Variants in OR2T11 observed in about 807,000 individuals in gnomAD.
The protein encoded by OR2T11 is olfactory receptor 2T11.
In OR2T11, 14 loss-of-function variants were observed where a neutral mutation model predicts 13.5. That is an observed-to-expected ratio of 1.04 (90% CI 0.69 to 1.62). The LOEUF is 1.62. OR2T11 is among the 40% of genes most tolerant of loss of function. OR2T11 has a pLI of 0.00. For synonymous variants in OR2T11, 163 were observed against 154.6 expected, an observed-to-expected ratio of 1.05 and a Z score of -0.40; for missense variants, 410 against 389.7, an observed-to-expected ratio of 1.05 and a Z score of -0.44.
chr1:248,627,152 G>T lies in OR2T11; in HGVS notation c.-24C>A. ...ATTGATATGGCCCACGAGCGTCCCA[G>T]GGCAACGGGAAGACACAAGGACCAG... On this transcript the variant is annotated 5_prime_UTR_variant, in exon 2 of 2. In the 5' UTR this introduces an upstream ATG that the reference lacks. Coordinates refer to ENST00000641193, the MANE Select transcript of OR2T11 (RefSeq NM_001001964.2). 1 of 1,342,320 alleles carries T rather than the reference G, an allele frequency of 7.4e-7. No individual in the cohort carries two copies. Among genetic ancestry groups the T allele is most frequent in the Non-Finnish European group, 1.0e-6 (1 of 959,030 alleles). The allele number at this position is 1,342,320 out of a possible 1,614,324, so 83.2% of individuals were successfully genotyped here.
rs1277722738 is a variant in OR2T11 at position 248,629,568 on chromosome 1, C to T, written c.-144-2296G>A. On this transcript the variant is annotated intron_variant, in intron 1 of 1. Transcript: ENST00000641193. ...TCTCATGAATCCCTCCAAGTCTAGT[C>T]TCAGCACAACCATCAAAGTCACATC... Among the ~76,000 whole-genome samples, 2 of 140,216 alleles carry T rather than the reference C, an allele frequency of 1.4e-5. 1 individual carries two copies. Among genetic ancestry groups the T allele is most frequent in the African/African-American group, 5.7e-5 (2 of 34,870 alleles). 92.0% of individuals were successfully genotyped at this position (140,216 alleles called of 152,430 possible). A position where few individuals can be genotyped will look rare whatever the true frequency, so the allele number is the denominator to read the frequency against.
rs530106735 is a variant in OR2T11, at chr1:248,626,075, T to A, written c.*103A>T. 4 of 659,090 alleles carry A rather than the reference T, an allele frequency of 6.1e-6. No individual in the cohort carries two copies. The highest frequency in any genetic ancestry group is 2.6e-4 in the Middle Eastern group (1 of 3,894). 40.8% of individuals were successfully genotyped at this position (659,090 alleles called of 1,614,324 possible). ...TCCAGACAGGGTGAATCATCTTAACTGCCAGTAGTAAGTGTAGGTTGATAG... is the reference window on the plus strand; with the variant it reads ...TCCAGACAGGGTGAATCATCTTAACAGCCAGTAGTAAGTGTAGGTTGATAG... On this transcript the variant is annotated 3_prime_UTR_variant, in exon 2 of 2. Transcript: ENST00000641193.
chr1:248,627,386 G>A, intron 1 of OR2T11, 114 bp from the exon 2 acceptor site: 2 of 468,730 alleles, frequency 4.3e-6, no homozygotes, highest in Non-Finnish European at 3.8e-6. Context: ...CATGCTGCTG[G>A]AGGTTATGGT....
intron 1 of OR2T11, among the ~76,000 whole-genome samples, chr1:248,632,465 G>T (rs1445461173): frequency 7.3e-6 from 1 of 136,394 alleles, no homozygotes; most frequent in East Asian, 2.1e-4. Context: ...CCTAAAGTTG[G>T]GGGTTTGGGG....
rs888907859 is a variant in OR2T11 at position 248,628,833 on chromosome 1, AG to A, written c.-144-1562del. 9.1e-4 allele frequency among the ~76,000 whole-genome samples: 131 copies of A among 143,322 alleles called. 23 individuals are homozygous for A. Among genetic ancestry groups the A allele is most frequent in the African/African-American group, 2.1e-3 (75 of 36,444 alleles). The allele number at this position is 143,322 out of a possible 152,430, so 94.0% of individuals were successfully genotyped here. A position where few individuals can be genotyped will look rare whatever the true frequency, so the allele number is the denominator to read the frequency against. On this transcript the variant is annotated intron_variant, in intron 1 of 1. Coordinates refer to ENST00000641193, the MANE Select transcript of OR2T11 (RefSeq NM_001001964.2). ...GCTAAGGACTGTGGCCTCCTCTGTC[AG>A]GCCTCCCAGAAATACTCCGTGGTCA... is the stretch of plus-strand genomic sequence containing the variant.
At chr1:248,631,172 G>C (rs1660607876) in intron 1 of OR2T11, among the ~76,000 whole-genome samples, 2 of 143,548 alleles carry the variant, frequency 1.4e-5, no homozygotes, top group Admixed American at 1.4e-4. Flanking sequence ...GTGATATTAT[G>C]AACTTTGTGG....
intron 1 of OR2T11, among the ~76,000 whole-genome samples, chr1:248,629,969 C>T (rs1660581433): frequency 7.0e-6 from 1 of 142,244 alleles, no homozygotes; most frequent in Admixed American, 6.9e-5. Context: ...TGTGTCTCTT[C>T]AAGCTAGAAA....
rs1234381398 is a variant in OR2T11, at chr1:248,624,422, C to A, written c.*1756G>T. The A allele has an allele frequency of 7.0e-6, 1 of 143,414 alleles. No individual in the cohort carries two copies. The highest frequency in any genetic ancestry group is 1.5e-5 in the Non-Finnish European group (1 of 66,332). The allele number at this position is 143,414 out of a possible 1,614,324, so 8.9% of individuals were successfully genotyped here. A position where few individuals can be genotyped will look rare whatever the true frequency, so the allele number is the denominator to read the frequency against. ...AATGGTCACTAAGGTTACAAGTAAC[C>A]TTTCATGTTGCTAAATACAGTAACC... On this transcript the variant is annotated 3_prime_UTR_variant, in exon 2 of 2. Transcript: ENST00000641193.
rs775203854 is a variant in OR2T11, at chr1:248,626,361, G to T, written c.768C>A (p.Tyr256Ter). 6.4e-7 allele frequency: 1 copy of T among 1,573,130 alleles called. No individual in the cohort carries two copies. Residue 256 changes from tyrosine to a stop codon, truncating the protein, a stop_gained, in exon 2 of 2, where the codon TAC becomes TAA. Coordinates refer to ENST00000641193, the MANE Select transcript of OR2T11 (RefSeq NM_001001964.2). LOFTEE classifies it high-confidence loss of function. ...GGGTGTGGAAGGACTGGGGCAGCACGTATGTGTAGAAGGCAGCCCCATAGA... is the reference window on the plus strand; with the variant it reads ...GGGTGTGGAAGGACTGGGGCAGCACTTATGTGTAGAAGGCAGCCCCATAGA... Reference protein sequence around the residue: ...SIFYGAAFYTYVLPQSFHTPE... With the variant: ...SIFYGAAFYT
rs144761996 is a variant in OR2T11, at chr1:248,628,222, G to A, written c.-144-950C>T. On this transcript the variant is annotated intron_variant, in intron 1 of 1. Coordinates refer to ENST00000641193, the MANE Select transcript of OR2T11 (RefSeq NM_001001964.2). ...GGAAATGTGACAGCAACAGGCCACC[G>A]TTTAAGAAGGAATTTTATCTTTAAC... 1.1e-3 allele frequency among the ~76,000 whole-genome samples: 153 copies of A among 143,278 alleles called. 30 individuals are homozygous for A. The highest frequency in any genetic ancestry group is 3.8e-3 in the African/African-American group (140 of 36,398). 94.0% of individuals were successfully genotyped at this position (143,278 alleles called of 152,430 possible).
At chr1:248,631,116 G>T (rs1475312093) in intron 1 of OR2T11, among the ~76,000 whole-genome samples, 1 of 143,304 alleles carries the variant, frequency 7.0e-6, no homozygotes, top group African/African-American at 2.7e-5. Context: ...CCAACATCGT[G>T]ATTTCAGTCC....
chr1:248,632,092 A>C lies in OR2T11; in HGVS notation c.-145+2946T>G, dbSNP rs539108381. Among the ~76,000 whole-genome samples, 2 of 143,684 alleles carry C rather than the reference A, an allele frequency of 1.4e-5. 1 individual carries two copies. Among genetic ancestry groups the C allele is most frequent in the Non-Finnish European group, 3.0e-5 (2 of 66,174 alleles). The allele number at this position is 143,684 out of a possible 152,430, so 94.3% of individuals were successfully genotyped here. A position where few individuals can be genotyped will look rare whatever the true frequency, so the allele number is the denominator to read the frequency against. On this transcript the variant is annotated intron_variant, in intron 1 of 1. Transcript: ENST00000641193. ...TCTTTACAAATCATATGAATGTGTT[A>C]TCACATGTACCCTAAGAAAAAGAAA...
In OR2T11 at chr1:248,627,120, G is replaced by C. The variant is rs1177930149; in HGVS notation, c.9C>G (p.Asn3Lys). ...GGAGGGTGAAGTCAGAGGATGATGT[G>C]TTCGTCATTGATATGGCCCACGAGC... is the stretch of plus-strand genomic sequence containing the variant. MT[N>K]TSSSDFTLLG... The change falls in exon 2 of 2, where the codon AAC (asparagine) becomes AAG (lysine). Residue 3 changes from asparagine to lysine, a missense_variant. Physicochemically the swap from Asn to Lys is moderately conservative, Grantham distance 94. Coordinates refer to ENST00000641193, the MANE Select transcript of OR2T11 (RefSeq NM_001001964.2). The C allele has an allele frequency of 2.0e-6, 3 of 1,531,354 alleles. No homozygotes were observed. In the African/African-American group the frequency reaches 4.6e-5, roughly 23 times the overall value. The allele number at this position is 1,531,354 out of a possible 1,614,324, so 94.9% of individuals were successfully genotyped here.
At position 248,632,305 on chromosome 1, in the gene OR2T11, G is replaced by A. The variant is rs1211887451; in HGVS notation, c.-145+2733C>T. Among the ~76,000 whole-genome samples the A allele has an allele frequency of 6.3e-5, 9 of 141,782 alleles. 1 individual carries two copies. Among genetic ancestry groups the A allele is most frequent in the East Asian group, 2.0e-4 (1 of 4,914 alleles). The allele number at this position is 141,782 out of a possible 152,430, so 93.0% of individuals were successfully genotyped here. A position where few individuals can be genotyped will look rare whatever the true frequency, so the allele number is the denominator to read the frequency against. ...AATTTTTTTCAACATAATTGTCCTC[G>A]TATCCTATATTTTCCTAGGTACTGA... On this transcript the variant is annotated intron_variant, in intron 1 of 1. Transcript: ENST00000641193.
rs1486920065 is a variant in OR2T11 at position 248,629,449 on chromosome 1, T to C, written c.-144-2177A>G. 2.1e-5 allele frequency among the ~76,000 whole-genome samples: 3 copies of C among 140,856 alleles called. 1 individual carries two copies. The highest frequency in any genetic ancestry group is 2.1e-4 in the Admixed American group (3 of 14,492). 92.4% of individuals were successfully genotyped at this position (140,856 alleles called of 152,430 possible). The stretch of plus-strand genomic sequence containing the variant: ...ATTAACAATTAAAAACCTATAATAT[T>C]TCTCATGTCCATAGCTAGTAGGTGC... On this transcript the variant is annotated intron_variant, in intron 1 of 1. Transcript: ENST00000641193.
chr1:248,626,481 G>A lies in OR2T11; in HGVS notation c.648C>T (p.Ser216=), dbSNP rs1257256713. The A allele has an allele frequency of 6.4e-7, 1 of 1,572,834 alleles. No individual in the cohort carries two copies. Among genetic ancestry groups the A allele is most frequent in the African/African-American group, 1.5e-5 (1 of 66,854 alleles). The part of the protein sequence containing the change: ...IPISIISTSY[S]LILLTIHRMP... ...TGCGGTGGATGGTTAACAAGATGAG[G>A]GAGTAGGAAGTGGAGATGATAGAGA... The change falls in exon 2 of 2, where the codon TCC becomes TCT. Residue 216 remains serine (S), a synonymous_variant. Transcript: ENST00000641193.
At chr1:248,634,111 A>G (rs1424849980) in intron 1 of OR2T11, among the ~76,000 whole-genome samples, 1 of 142,696 alleles carries the variant, frequency 7.0e-6, no homozygotes, top group Non-Finnish European at 1.5e-5. Context: ...ATGCCAAGGA[A>G]ACTTTCTTTT....
chr1:248,632,538 AATG>A (rs2103104028), intron 1 of OR2T11, among the ~76,000 whole-genome samples: 1 of 137,724 alleles, frequency 7.3e-6, no homozygotes, highest in East Asian at 2.1e-4. Flanking sequence ...CCATTTCTGA[AATG>A]ATTATTCACA....
chr1:248,625,999 G>T lies in OR2T11; in HGVS notation c.*179C>A, dbSNP rs1660510405. On this transcript the variant is annotated 3_prime_UTR_variant, in exon 2 of 2. Transcript: ENST00000641193. Reference sequence around the variant, plus strand: ...AACCATTTTTGATACTTCACTGAAAGATCTCTGCATAACAGTAAAACATCT... The same window carrying T: ...AACCATTTTTGATACTTCACTGAAATATCTCTGCATAACAGTAAAACATCT... 4.4e-6 allele frequency: 2 copies of T among 458,352 alleles called. No homozygotes were observed. The highest frequency in any genetic ancestry group is 4.0e-5 in the South Asian group (1 of 25,214). The allele number at this position is 458,352 out of a possible 1,614,324, so 28.4% of individuals were successfully genotyped here.
Sources: allele counts gnomAD v4.1 joint callset (sites outside exome capture counted in the v4.1 genomes callset), GRCh38; gene constraint gnomAD v4.1.1; transcripts MANE v1.5; gene names NCBI Gene and HGNC (gene_info 2026-07-23, HGNC 2026-07-21).